GULP1: variants seen among roughly 807,000 people sequenced by gnomAD.
GULP1 encodes GULP PTB domain containing engulfment adaptor 1.
A neutral mutation model predicts 40.9 loss-of-function variants in GULP1; 19 were observed. That is an observed-to-expected ratio of 0.46 (90% CI 0.32 to 0.68). GULP1 has a LOEUF of 0.68. Ranked by LOEUF, GULP1 falls within the 30% of genes least tolerant of loss-of-function variation. The pLI is 0.03. For missense variants in GULP1, 312 were observed against 362.2 expected (o/e 0.86, Z 1.12); for synonymous variants, 119 against 117.6 (o/e 1.01, Z -0.08).
chr2:188,484,152 C>T (rs2153065707), intron 4 of GULP1, among the ~76,000 whole-genome samples: 1 of 152,250 alleles, frequency 6.6e-6, no homozygotes, highest in Non-Finnish European at 1.5e-5. Context: ...AAGTGGTCCA[C>T]CTGCCTCAGC....
At chr2:188,541,557 A>G (rs1162532085) in intron 7 of GULP1, 1 of 588,962 alleles carries the variant, frequency 1.7e-6, no homozygotes, top group Non-Finnish European at 3.0e-6. Context: ...AATTTCTTTT[A>G]TTAGAATGCC....
At chr2:188,351,070 G>T (rs2152290806) in intron 1 of GULP1, among the ~76,000 whole-genome samples, 1 of 152,024 alleles carries the variant, frequency 6.6e-6, no homozygotes, top group South Asian at 2.1e-4. Flanking sequence ...GGCAGAAAAT[G>T]GCCTTATTCT....
chr2:188,377,374 T>G (rs1189257091), intron 1 of GULP1, among the ~76,000 whole-genome samples: 1 of 152,196 alleles, frequency 6.6e-6, no homozygotes, highest in Non-Finnish European at 1.5e-5. Context: ...TATGTCTAAG[T>G]TCACATTAAT....
chr2:188,359,490 A>T (rs1003543189), intron 1 of GULP1, among the ~76,000 whole-genome samples: 9 of 152,140 alleles, frequency 5.9e-5, no homozygotes, highest in Non-Finnish European at 1.2e-4. Context: ...CTCTGCTAGC[A>T]TGGTATTGAA....
intron 6 of GULP1, among the ~76,000 whole-genome samples, chr2:188,540,435 T>C (rs1019923815): frequency 4.0e-5 from 6 of 148,858 alleles, no homozygotes; most frequent in African/African-American, 1.5e-4. Flanking sequence ...TATAATTTAA[T>C]ATGTGTGTGT....
intron 1 of GULP1, among the ~76,000 whole-genome samples, chr2:188,306,479 C>G (rs2037117249): frequency 6.6e-6 from 1 of 152,102 alleles, no homozygotes; most frequent in Admixed American, 6.6e-5. Context: ...AAAACGTTCT[C>G]TTGGCAGGGG....
At chr2:188,306,355 A>G (rs967660105) in intron 1 of GULP1, among the ~76,000 whole-genome samples, 1 of 152,136 alleles carries the variant, frequency 6.6e-6, no homozygotes, top group Non-Finnish European at 1.5e-5. Context: ...TAATCAAAAT[A>G]CCATATTCAA....
chr2:188,336,318 A>G (rs1402332410), intron 1 of GULP1, among the ~76,000 whole-genome samples: 1 of 152,154 alleles, frequency 6.6e-6, no homozygotes, highest in Non-Finnish European at 1.5e-5. Context: ...TTATATACAA[A>G]TCACTGAGCC....
chr2:188,487,308 G>GA (rs2061949321), intron 4 of GULP1, among the ~76,000 whole-genome samples: 1 of 151,848 alleles, frequency 6.6e-6, no homozygotes, highest in Non-Finnish European at 1.5e-5. Flanking sequence ...ATCCTTTTAT[G>GA]AAAAATCTAT....
In GULP1 at chr2:188,481,854, G is replaced by A. The variant is rs528016972; in HGVS notation, c.29-1577G>A. On this transcript the variant is annotated intron_variant, in intron 3 of 11. Coordinates refer to ENST00000409830, the MANE Select transcript of GULP1 (RefSeq NM_016315.4). ...TGTTTTGTGTTTTATTGCCTTGGAA[G>A]AAGTATTGTGATTTACTTCTTTTAA... Among the ~76,000 whole-genome samples, 7 of 152,026 alleles carry A rather than the reference G, an allele frequency of 4.6e-5. No individual in the cohort carries two copies. In the South Asian group the frequency reaches 1.5e-3, roughly 32 times the overall value.
At chr2:188,332,191 C>CTTTT (rs11431434) in intron 1 of GULP1, among the ~76,000 whole-genome samples, 1 of 126,708 alleles carries the variant, frequency 7.9e-6, no homozygotes, top group Non-Finnish European at 1.6e-5. Context: ...TTTCTTTATT[C>CTTTT]TTTTTTTTTT....
Position 188,570,122 on chromosome 2 carries a change from T to A in GULP1, c.609+2T>A, listed in dbSNP as rs775234108. 8.4e-7 allele frequency: 1 copy of A among 1,192,976 alleles called. No individual in the cohort carries two copies. The highest frequency in any genetic ancestry group is 2.4e-5 in the East Asian group (1 of 41,452). 73.9% of individuals were successfully genotyped at this position (1,192,976 alleles called of 1,614,324 possible). On this transcript the variant is annotated splice_donor_variant, in intron 9 of 11. Transcript: ENST00000409830. LOFTEE classifies it high-confidence loss of function. ...ATAACTCAAGTATCAGCACCTCCAG[T>A]GAGTATATTGAATATCCTTAGAAAC... is the stretch of plus-strand genomic sequence containing the variant.
chr2:188,431,638 CTT>C, intron 2 of GULP1, among the ~76,000 whole-genome samples: 1 of 152,126 alleles, frequency 6.6e-6, no homozygotes, highest in Middle Eastern at 3.4e-3. Context: ...TTATAGCAAA[CTT>C]AACCACGTAG....
intron 2 of GULP1, among the ~76,000 whole-genome samples, chr2:188,456,530 G>T (rs1453862181): frequency 6.6e-6 from 1 of 152,196 alleles, no homozygotes; most frequent in African/African-American, 2.4e-5. Context: ...AAGAATTCAA[G>T]TTTGGGAATC....
intron 1 of GULP1, among the ~76,000 whole-genome samples, chr2:188,300,410 A>G (rs548949542): frequency 6.6e-6 from 1 of 152,154 alleles, no homozygotes; most frequent in Non-Finnish European, 1.5e-5. Context: ...TAATTTTTCT[A>G]TGCATCATTG....
chr2:188,317,526 C>T (rs151185842), intron 1 of GULP1, among the ~76,000 whole-genome samples: 2 of 152,066 alleles, frequency 1.3e-5, no homozygotes, highest in East Asian at 3.9e-4. Context: ...TCTCTTATAT[C>T]TTTACATTGT....
chr2:188,577,537 C>A (rs543724471), intron 9 of GULP1, among the ~76,000 whole-genome samples: 1 of 152,058 alleles, frequency 6.6e-6, no homozygotes, highest in Non-Finnish European at 1.5e-5. Flanking sequence ...ATTCTAAAAG[C>A]ATAAACCCTG....
intron 1 of GULP1, among the ~76,000 whole-genome samples, chr2:188,357,873 A>C (rs1431738865): frequency 1.3e-5 from 2 of 152,176 alleles, no homozygotes; most frequent in East Asian, 3.9e-4. Context: ...TACAATATGC[A>C]GCCATTAAAA....
intron 3 of GULP1, among the ~76,000 whole-genome samples, chr2:188,479,466 T>C (rs573610344): frequency 1.3e-5 from 2 of 152,050 alleles, no homozygotes; most frequent in African/African-American, 4.8e-5. Context: ...TATATAGAGA[T>C]AGGATCTTGC....
Sources: gnomAD v4.1 joint callset for allele counts (sites outside exome capture counted in the v4.1 genomes callset) on GRCh38, gnomAD v4.1.1 for gene constraint, MANE v1.5 for transcripts, NCBI Gene and HGNC (gene_info 2026-07-23, HGNC 2026-07-21) for gene names.